Variants in ZNF385D observed in about 807,000 individuals in gnomAD.
The protein encoded by ZNF385D is zinc finger protein 659.
In ZNF385D, 15 loss-of-function variants were observed where a neutral mutation model predicts 35.8. The ratio of observed to expected loss-of-function variants is 0.42; its 90% CI spans 0.28 to 0.64. The LOEUF is 0.64. Ranked by LOEUF, ZNF385D falls within the 30% of genes least tolerant of loss-of-function variation. The probability of loss-of-function intolerance (pLI) is 0.23; values close to 1 mark genes in which losing one functional copy is unlikely to be tolerated. For synonymous variants in ZNF385D, 212 were observed against 186.8 expected, an observed-to-expected ratio of 1.13 and a Z score of -1.10; for missense variants, 474 against 494.6, an observed-to-expected ratio of 0.96 and a Z score of 0.39.
intron 3 of ZNF385D, among the ~76,000 whole-genome samples, chr3:21,817,753 G>C (rs570210174): frequency 1.3e-5 from 2 of 152,334 alleles, no homozygotes; most frequent in South Asian, 2.1e-4. Flanking sequence ...CAACCATGTG[G>C]AAGGCAGTGT....
chr3:21,742,675 C>T (rs925304004), intron 1 of ZNF385D, among the ~76,000 whole-genome samples: 1 of 152,178 alleles, frequency 6.6e-6, no homozygotes, highest in Non-Finnish European at 1.5e-5. Context: ...GATTCCTGCT[C>T]CTGCCAGGAG....
At chr3:21,512,156 A>AAAAAAAAAAAG (rs1196180388) in intron 3 of ZNF385D, among the ~76,000 whole-genome samples, 12 of 151,666 alleles carry the variant, frequency 7.9e-5, no homozygotes, top group African/African-American at 2.9e-4. Flanking sequence ...AAAAAAAAAA[A>AAAAAAAAAAAG]AAAAAAAAGA....
chr3:21,917,771 C>T (rs992765956), intron 3 of ZNF385D, among the ~76,000 whole-genome samples: 3 of 152,146 alleles, frequency 2.0e-5, no homozygotes, highest in Non-Finnish European at 4.4e-5. Flanking sequence ...TATCTGTACC[C>T]TCAGTGGCTA....
Position 22,168,749 on chromosome 3 carries a change from A to T in ZNF385D, c.325+68T>A, listed in dbSNP as rs1421835365. ...AAATAGTTCATTCTTTTATCCTCAC[A>T]TCTGCAGGTACACAAATAACTTAAA... On this transcript the variant is annotated intron_variant, in intron 3 of 5. Transcript: ENST00000494108. The T allele has an allele frequency of 3.4e-6, 3 of 887,584 alleles. No homozygotes were observed. The East Asian group carries it at 3.6e-4, about 106-fold the overall frequency. 55.0% of individuals were successfully genotyped at this position (887,584 alleles called of 1,614,324 possible).
At chr3:22,236,185 T>G (rs1195651210) in intron 2 of ZNF385D, among the ~76,000 whole-genome samples, 1 of 152,192 alleles carries the variant, frequency 6.6e-6, no homozygotes, top group Non-Finnish European at 1.5e-5. Context: ...GGAAAAAATT[T>G]TATGATATAT....
chr3:21,757,712 T>C (rs1011708679), intron 3 of ZNF385D, among the ~76,000 whole-genome samples: 6 of 152,216 alleles, frequency 3.9e-5, no homozygotes, highest in Non-Finnish European at 7.3e-5. Context: ...ACATATACAT[T>C]AGGATTTGGA....
chr3:21,620,040 T>G (rs957850386), intron 2 of ZNF385D, among the ~76,000 whole-genome samples: 3 of 152,116 alleles, frequency 2.0e-5, no homozygotes, highest in Admixed American at 2.0e-4. Context: ...ACAAACCTAA[T>G]GCACCGGTAT....
At chr3:21,454,697 C>G (rs185885083) in intron 4 of ZNF385D, among the ~76,000 whole-genome samples, 1 of 152,160 alleles carries the variant, frequency 6.6e-6, no homozygotes, top group Non-Finnish European at 1.5e-5. Context: ...GATGCCCTCT[C>G]TCACCACTCC....
intron 2 of ZNF385D, among the ~76,000 whole-genome samples, chr3:22,275,705 A>C (rs943896678): frequency 6.6e-6 from 1 of 152,174 alleles, no homozygotes; most frequent in African/African-American, 2.4e-5. Flanking sequence ...CCATATCCTT[A>C]TATCTGGTGA....
intron 2 of ZNF385D, among the ~76,000 whole-genome samples, chr3:22,308,054 A>C (rs552265656): frequency 3.3e-5 from 5 of 152,230 alleles, no homozygotes; most frequent in South Asian, 2.1e-4. Context: ...TCAGGTCAAA[A>C]GATTAGAGCA....
At chr3:22,279,343 G>A (rs772294839) in intron 2 of ZNF385D, among the ~76,000 whole-genome samples, 4 of 151,650 alleles carry the variant, frequency 2.6e-5, no homozygotes, top group African/African-American at 4.8e-5. Flanking sequence ...CTACTTATGA[G>A]TAAGAACATG....
At chr3:21,670,579 G>C (rs1420239183) in intron 1 of ZNF385D, among the ~76,000 whole-genome samples, 3 of 141,348 alleles carry the variant, frequency 2.1e-5, no homozygotes, top group Non-Finnish European at 4.5e-5. Context: ...CTTTAGATCT[G>C]ATCCTACTAA....
chr3:22,176,701 G>C (rs541161778), intron 2 of ZNF385D, among the ~76,000 whole-genome samples: 10 of 152,184 alleles, frequency 6.6e-5, no homozygotes, highest in African/African-American at 1.9e-4. Flanking sequence ...TTTTAGAATT[G>C]TAAGCTTCAA....
At chr3:22,236,992 T>A (rs775439048) in intron 2 of ZNF385D, among the ~76,000 whole-genome samples, 1 of 152,230 alleles carries the variant, frequency 6.6e-6, no homozygotes, top group Non-Finnish European at 1.5e-5. Flanking sequence ...GCTATGAATA[T>A]TTATGTATAA....
intron 2 of ZNF385D, among the ~76,000 whole-genome samples, chr3:21,618,062 C>CA (rs913273327): frequency 1.5e-4 from 23 of 151,378 alleles, no homozygotes; most frequent in South Asian, 2.1e-4. Context: ...CACCTCCCTG[C>CA]AAAAAAAAGA....
chr3:22,237,546 T>C (rs1171725156), intron 2 of ZNF385D, among the ~76,000 whole-genome samples: 1 of 152,222 alleles, frequency 6.6e-6, no homozygotes. Flanking sequence ...TGCCTTTGCT[T>C]TTGGTGTTAT....
intron 3 of ZNF385D, among the ~76,000 whole-genome samples, chr3:22,088,705 A>T (rs191338135): frequency 0.12 from 18,247 of 152,126 alleles, 1,141 homozygotes; most frequent in East Asian, 0.15. Flanking sequence ...CCATTAAAAT[A>T]CAAACAACAA....
At chr3:21,905,400 A>G (rs1244057195) in intron 3 of ZNF385D, among the ~76,000 whole-genome samples, 2 of 151,922 alleles carry the variant, frequency 1.3e-5, no homozygotes, top group African/African-American at 4.8e-5. Flanking sequence ...AATTTTATCC[A>G]AGGTTGTATT....
chr3:21,775,255 T>C (rs2071240109), intron 3 of ZNF385D, among the ~76,000 whole-genome samples: 1 of 151,868 alleles, frequency 6.6e-6, no homozygotes, highest in East Asian at 1.9e-4. Flanking sequence ...AACTCTTTAA[T>C]GCAGGGTTGC....
Sources: allele counts gnomAD v4.1 joint callset (sites outside exome capture counted in the v4.1 genomes callset), GRCh38; gene constraint gnomAD v4.1.1; transcripts MANE v1.5; gene names NCBI Gene and HGNC (gene_info 2026-07-23, HGNC 2026-07-21).